Variants in ALDH8A1 observed in about 807,000 individuals in gnomAD.
ALDH8A1 encodes 2-aminomuconic semialdehyde dehydrogenase.
In ALDH8A1, 39 loss-of-function variants were observed where a neutral mutation model predicts 43.3. That is an observed-to-expected ratio of 0.90 (90% CI 0.70 to 1.18). The LOEUF (loss-of-function observed/expected upper bound fraction) is 1.18, where lower values mean the gene tolerates loss of function less well. Ranked by LOEUF, ALDH8A1 falls within the 50% of genes most tolerant of loss-of-function variation. The pLI is 0.00. For missense variants in ALDH8A1, 605 were observed against 622.6 expected (o/e 0.97, Z 0.30); for synonymous variants, 233 against 243.5 (o/e 0.96, Z 0.40).
At chr6:134,939,609 T>C (rs544868333) in intron 3 of ALDH8A1, among the ~76,000 whole-genome samples, 194 bp from the exon 4 acceptor site, 33 of 152,366 alleles carry the variant, frequency 2.2e-4, no homozygotes, top group Non-Finnish European at 4.3e-4. Context: ...AGCAACTGTA[T>C]CTTTTAAAAC....
chr6:134,942,683 G>T, intron 2 of ALDH8A1, 119 bp from the exon 3 acceptor site: 1 of 1,010,294 alleles, frequency 9.9e-7, no homozygotes, highest in Non-Finnish European at 1.4e-6. Context: ...CTAGCCCGGG[G>T]CAGGCATTCC....
intron 4 of ALDH8A1, among the ~76,000 whole-genome samples, chr6:134,935,264 C>T (rs533880079): frequency 2.2e-4 from 34 of 152,318 alleles, no homozygotes; most frequent in African/African-American, 7.7e-4. Flanking sequence ...GGACTCATCA[C>T]TGCTATCCGT....
chr6:134,944,945 A>G (rs905980768), intron 1 of ALDH8A1, among the ~76,000 whole-genome samples: 12 of 148,362 alleles, frequency 8.1e-5, no homozygotes, highest in Admixed American at 4.1e-4. Context: ...TATAGTATGT[A>G]TATATTATAT....
Position 134,950,070 on chromosome 6 carries a change from G to T in ALDH8A1, c.-17C>A, listed in dbSNP as rs747023762. On this transcript the variant is annotated 5_prime_UTR_variant, in exon 1 of 7. Transcript: ENST00000265605. Reference sequence around the variant, plus strand: ...TCCAGCCATAGCAAGGAAAAATTCTGCCTTTCCTCTTTACGACTGAGCACT... The same window carrying T: ...TCCAGCCATAGCAAGGAAAAATTCTTCCTTTCCTCTTTACGACTGAGCACT... The T allele has an allele frequency of 9.7e-5, 155 of 1,604,164 alleles. No individual in the cohort carries two copies. The highest frequency in any genetic ancestry group is 1.3e-4 in the Non-Finnish European group (152 of 1,175,294).
chr6:134,935,488 T>C (rs1773718076), intron 4 of ALDH8A1, among the ~76,000 whole-genome samples: 1 of 152,250 alleles, frequency 6.6e-6, no homozygotes, highest in Non-Finnish European at 1.5e-5. Context: ...GGGGAAGCTT[T>C]AAAAAGAAAA....
At chr6:134,935,174 C>T (rs1773709615) in intron 4 of ALDH8A1, among the ~76,000 whole-genome samples, 1 of 152,212 alleles carries the variant, frequency 6.6e-6, no homozygotes, top group Non-Finnish European at 1.5e-5. Flanking sequence ...TTTCCAAATG[C>T]ATGAACCTTA....
Position 134,932,823 on chromosome 6 carries a change from G to A in ALDH8A1, c.802C>T (p.Leu268=), listed in dbSNP as rs1349566413. 6.2e-7 allele frequency: 1 copy of A among 1,614,136 alleles called. No homozygotes were observed. Among genetic ancestry groups the A allele is most frequent in the East Asian group, 2.2e-5 (1 of 44,894 alleles). ...ACGGTTGCCGGAATGCACTCATCCA[G>A]GTTGGCGTCCTCAAAGATGATGGCA... ...NPAIIFEDAN[L]DECIPATVRS... is the part of the protein sequence containing the mutation. The change falls in exon 5 of 7, where the codon CTG becomes TTG. Residue 268 remains leucine (L), a synonymous_variant. Transcript: ENST00000265605.
At chr6:134,931,884 A>G (rs563312228) in intron 5 of ALDH8A1, among the ~76,000 whole-genome samples, 1 of 152,360 alleles carries the variant, frequency 6.6e-6, no homozygotes, top group Non-Finnish European at 1.5e-5. Context: ...TATTGTTCAC[A>G]TGATTTTATT....
intron 4 of ALDH8A1, among the ~76,000 whole-genome samples, chr6:134,937,519 C>T (rs1773763632): frequency 1.3e-5 from 2 of 152,196 alleles, no homozygotes; most frequent in Non-Finnish European, 2.9e-5. Flanking sequence ...AAAATCAATG[C>T]TGTGCAGAGA....
chr6:134,946,339 C>A (rs752138871), intron 1 of ALDH8A1, among the ~76,000 whole-genome samples: 3 of 152,168 alleles, frequency 2.0e-5, no homozygotes, highest in Non-Finnish European at 4.4e-5. Flanking sequence ...CCACTGCCAG[C>A]CAGCAAGAGG....
chr6:134,924,902 G>C (rs1018870009), intron 6 of ALDH8A1, among the ~76,000 whole-genome samples: 1 of 152,116 alleles, frequency 6.6e-6, no homozygotes, highest in Non-Finnish European at 1.5e-5. Context: ...AATTTGGAAG[G>C]CATTCCAAAT....
At chr6:134,920,509 C>T (rs1776781145) in intron 6 of ALDH8A1, among the ~76,000 whole-genome samples, 1 of 152,106 alleles carries the variant, frequency 6.6e-6, no homozygotes, top group Admixed American at 6.6e-5. Flanking sequence ...ATTCAGCACC[C>T]CACGAGGAGT....
chr6:134,935,619 G>A (rs1312332994), intron 4 of ALDH8A1, among the ~76,000 whole-genome samples: 1 of 152,138 alleles, frequency 6.6e-6, no homozygotes, highest in East Asian at 1.9e-4. Flanking sequence ...CCTGACCTAC[G>A]GTAGGTGCAG....
intron 1 of ALDH8A1, among the ~76,000 whole-genome samples, chr6:134,947,662 T>A (rs2114713874): frequency 6.6e-6 from 1 of 151,938 alleles, no homozygotes; most frequent in East Asian, 1.9e-4. Flanking sequence ...CATCACTAAT[T>A]ATTAGGGAAA....
rs116171779 is a variant in ALDH8A1 at position 134,922,686 on chromosome 6, T to A, written c.1012-3819A>T. On this transcript the variant is annotated intron_variant, in intron 6 of 6. Transcript: ENST00000265605. ...TACAGGCATGAGCCACTGCACCTGA[T>A]CTAACAGTGAATAACTTTTTAACCA... 8.8e-3 allele frequency among the ~76,000 whole-genome samples: 1,339 copies of A among 152,220 alleles called. 20 individuals carry two copies. Among genetic ancestry groups the A allele is most frequent in the African/African-American group, 0.03 (1,259 of 41,528 alleles).
intron 6 of ALDH8A1, among the ~76,000 whole-genome samples, chr6:134,924,286 C>A (rs577574280): frequency 1.3e-5 from 2 of 152,316 alleles, no homozygotes; most frequent in Admixed American, 6.5e-5. Context: ...AGTCCTCATA[C>A]ATACTTGCCT....
Position 134,942,545 on chromosome 6 carries a change from T to C in ALDH8A1, c.306A>G (p.Ala102=). 6.2e-7 allele frequency: 1 copy of C among 1,614,062 alleles called. No homozygotes were observed. Residue 102 remains alanine, a synonymous_variant, in exon 3 of 7, where the codon GCA becomes GCG. Transcript: ENST00000265605. ...CAGACCGGGGAATGTCCATGGTTCT[T>C]GCCAGTGCTAAGGTTTTCCCTGTAA... is the stretch of plus-strand genomic sequence containing the variant. ...SKDQGKTLAL[A]RTMDIPRSVQ... is the part of the protein sequence containing the mutation.
intron 4 of ALDH8A1, 105 bp from the exon 5 acceptor site, chr6:134,933,137 A>T: frequency 1.5e-6 from 2 of 1,306,932 alleles, no homozygotes; most frequent in Non-Finnish European, 2.0e-6. Flanking sequence ...GGGAGTGGGT[A>T]GGGATGGAGG....
chr6:134,928,514 A>G (rs1776923657), intron 6 of ALDH8A1, among the ~76,000 whole-genome samples: 1 of 152,180 alleles, frequency 6.6e-6, no homozygotes, highest in Admixed American at 6.5e-5. Context: ...AATTAAAATA[A>G]CCCTAAATTG....
Sources: gnomAD v4.1 joint callset for allele counts (sites outside exome capture counted in the v4.1 genomes callset) on GRCh38, gnomAD v4.1.1 for gene constraint, MANE v1.5 for transcripts, NCBI Gene and HGNC (gene_info 2026-07-23, HGNC 2026-07-21) for gene names.